Variants in RPS6KC1 observed in about 807,000 individuals in gnomAD.
The protein encoded by RPS6KC1 is inactive ribosomal protein S6 kinase delta-1.
In RPS6KC1, 54 loss-of-function variants were observed where a neutral mutation model predicts 103.8. That is an observed-to-expected ratio of 0.52 (90% CI 0.42 to 0.65). RPS6KC1 has a LOEUF of 0.65. Ranked by LOEUF, RPS6KC1 falls within the 30% of genes least tolerant of loss-of-function variation. The pLI, the probability that RPS6KC1 is intolerant of heterozygous loss-of-function variation, is 0.00. For synonymous variants in RPS6KC1, 439 were observed against 438.7 expected, an observed-to-expected ratio of 1.00 and a Z score of -0.01; for missense variants, 1,151 against 1,253.8, an observed-to-expected ratio of 0.92 and a Z score of 1.24.
rs143143973 is a variant in RPS6KC1, at chr1:213,164,718, A to G, written c.836-3140A>G. The stretch of plus-strand genomic sequence containing the variant: ...GCTGGAACCACAGGTGCGCACCAAC[A>G]CGCCTGGCTGACTTTTGTATTTTCA... On this transcript the variant is annotated intron_variant, in intron 6 of 14. Transcript: ENST00000366960. Among the ~76,000 whole-genome samples the G allele has an allele frequency of 2.4e-3, 368 of 152,234 alleles. 1 individual carries two copies. Among genetic ancestry groups the G allele is most frequent in the African/African-American group, 8.6e-3 (357 of 41,524 alleles).
chr1:213,261,167 A>T (rs2094786572), intron 12 of RPS6KC1, among the ~76,000 whole-genome samples: 1 of 152,142 alleles, frequency 6.6e-6, no homozygotes, highest in South Asian at 2.1e-4. Flanking sequence ...ATAATTTTTA[A>T]AGTTCCTTTA....
At chr1:213,122,152 T>C (rs1358102304) in intron 5 of RPS6KC1, among the ~76,000 whole-genome samples, 3 of 152,128 alleles carry the variant, frequency 2.0e-5, no homozygotes, top group Non-Finnish European at 2.9e-5. Flanking sequence ...TAGATTTTGT[T>C]ATTCCAGGAG....
chr1:213,657,448 T>C, the RPS6KC1 span, among the ~76,000 whole-genome samples: 1,440 of 152,286 alleles, frequency 9.5e-3, 21 homozygotes, highest in African/African-American at 0.031. Flanking sequence ...TGTAATTATT[T>C]AATTATTTAA....
chr1:213,862,309 G>A, the RPS6KC1 span, among the ~76,000 whole-genome samples: 1 of 152,186 alleles, frequency 6.6e-6, no homozygotes, highest in African/African-American at 2.4e-5. Flanking sequence ...AATCCTTCCA[G>A]GCCCAATATT....
the RPS6KC1 span, among the ~76,000 whole-genome samples, chr1:213,849,159 C>T: frequency 6.6e-6 from 1 of 152,142 alleles, no homozygotes; most frequent in African/African-American, 2.4e-5. Context: ...CCCAAACACT[C>T]CAAGCAGCTG....
At chr1:213,087,519 T>C (rs1363407164) in intron 3 of RPS6KC1, among the ~76,000 whole-genome samples, 1 of 152,258 alleles carries the variant, frequency 6.6e-6, no homozygotes, top group Non-Finnish European at 1.5e-5. Context: ...TAGGATTCTT[T>C]CAGTATTTTT....
At chr1:213,659,031 C>T in the RPS6KC1 span, among the ~76,000 whole-genome samples, 1 of 151,868 alleles carries the variant, frequency 6.6e-6, no homozygotes, top group African/African-American at 2.4e-5. Context: ...GTGACAGGAT[C>T]TCAGCTCACC....
the RPS6KC1 span, among the ~76,000 whole-genome samples, chr1:213,507,590 C>T: frequency 6.7e-6 from 1 of 148,542 alleles, no homozygotes; most frequent in African/African-American, 2.5e-5. Flanking sequence ...TGAAACTTAT[C>T]AGGTGCCTGT....
At chr1:213,253,768 T>C (rs2094585002) in intron 12 of RPS6KC1, among the ~76,000 whole-genome samples, 1 of 152,214 alleles carries the variant, frequency 6.6e-6, no homozygotes, top group Non-Finnish European at 1.5e-5. Context: ...TCTGAGAGTG[T>C]GTACTGTTCT....
chr1:213,444,877 T>C, the RPS6KC1 span, among the ~76,000 whole-genome samples: 2 of 152,168 alleles, frequency 1.3e-5, no homozygotes, highest in Non-Finnish European at 2.9e-5. Flanking sequence ...ACCATAAAAT[T>C]CACCCATTTA....
intron 8 of RPS6KC1, among the ~76,000 whole-genome samples, chr1:213,214,210 C>T (rs534621692): frequency 5.2e-5 from 8 of 152,390 alleles, no homozygotes; most frequent in South Asian, 2.1e-4. Flanking sequence ...TCTTAGCAAA[C>T]GGCACACCAG....
the RPS6KC1 span, among the ~76,000 whole-genome samples, chr1:213,630,005 C>T: frequency 6.0e-3 from 910 of 152,336 alleles, 3 homozygotes; most frequent in African/African-American, 0.021. Context: ...TTCTCTCTGG[C>T]TGTCCTTAAC....
At chr1:213,806,889 T>A in the RPS6KC1 span, among the ~76,000 whole-genome samples, 2 of 150,990 alleles carry the variant, frequency 1.3e-5, no homozygotes, top group Non-Finnish European at 3.0e-5. Context: ...GGTCTTTACA[T>A]TTTGGCATGA....
At chr1:213,785,649 G>A in the RPS6KC1 span, among the ~76,000 whole-genome samples, 1 of 152,050 alleles carries the variant, frequency 6.6e-6, no homozygotes, top group African/African-American at 2.4e-5. Context: ...GCCGTGGATG[G>A]GGAGATATAT....
intron 5 of RPS6KC1, among the ~76,000 whole-genome samples, chr1:213,119,471 T>TG (rs1267487366): frequency 1.4e-4 from 2 of 14,528 alleles, no homozygotes; most frequent in South Asian, 5.6e-3. Context: ...TATATATATA[T>TG]ATATATATAT....
chr1:213,280,064 G>C, the RPS6KC1 span, among the ~76,000 whole-genome samples: 2 of 152,130 alleles, frequency 1.3e-5, no homozygotes, highest in African/African-American at 4.8e-5. Context: ...TTTTGAGTTT[G>C]AAGACATTTT....
the RPS6KC1 span, among the ~76,000 whole-genome samples, chr1:213,469,369 T>A: frequency 6.6e-6 from 1 of 152,224 alleles, no homozygotes; most frequent in Non-Finnish European, 1.5e-5. Context: ...AATTGTATTC[T>A]TTGATTATAG....
chr1:213,329,770 C>A, the RPS6KC1 span, among the ~76,000 whole-genome samples: 1 of 152,294 alleles, frequency 6.6e-6, no homozygotes, highest in African/African-American at 2.4e-5. Flanking sequence ...GAAAGACATT[C>A]TTCTGTGCCT....
chr1:213,806,414 C>T, the RPS6KC1 span, among the ~76,000 whole-genome samples: 1 of 152,200 alleles, frequency 6.6e-6, no homozygotes, highest in Non-Finnish European at 1.5e-5. Flanking sequence ...CCAGGCTTTG[C>T]TGTCTCTTTG....
Sources: gnomAD v4.1 joint callset for allele counts (sites outside exome capture counted in the v4.1 genomes callset) on GRCh38, gnomAD v4.1.1 for gene constraint, MANE v1.5 for transcripts, NCBI Gene and HGNC (gene_info 2026-07-23, HGNC 2026-07-21) for gene names.